SKI: variants seen among roughly 807,000 people sequenced by gnomAD.
SKI encodes SKI proto-oncogene, also known as ski oncogene.
In SKI, 23 loss-of-function variants were observed where a neutral mutation model predicts 59.3. The observed-to-expected ratio is 0.39, with a 90% CI of 0.28 to 0.55. SKI has a LOEUF of 0.55. Among genes scored for constraint, SKI ranks in the 20% least tolerant of loss-of-function variants. SKI has a pLI of 0.67. For missense variants in SKI, 1,017 were observed against 1,038.9 expected (o/e 0.98, Z 0.29); for synonymous variants, 673 against 488.6 (o/e 1.38, Z -4.98).
At chr1:2,273,053 C>T (rs1207571534) in intron 1 of SKI, among the ~76,000 whole-genome samples, 1 of 152,240 alleles carries the variant, frequency 6.6e-6, no homozygotes, top group Non-Finnish European at 1.5e-5. Flanking sequence ...GTGCCACCTG[C>T]GTTCAGTGCA....
intron 1 of SKI, among the ~76,000 whole-genome samples, chr1:2,275,363 G>T (rs1028257031): frequency 6.6e-6 from 1 of 152,222 alleles, no homozygotes; most frequent in Non-Finnish European, 1.5e-5. Flanking sequence ...TCAGGGAGCA[G>T]TGGGGCTGCC....
intron 1 of SKI, among the ~76,000 whole-genome samples, chr1:2,289,247 C>T (rs1239499208): frequency 6.6e-6 from 1 of 152,192 alleles, no homozygotes; most frequent in African/African-American, 2.4e-5. Flanking sequence ...GGAGGTGGCC[C>T]TCCTGCCTCC....
intron 1 of SKI, among the ~76,000 whole-genome samples, chr1:2,232,240 G>C (rs1168064198): frequency 3.9e-5 from 6 of 152,196 alleles, no homozygotes; most frequent in Non-Finnish European, 8.8e-5. Context: ...GAATGTACTG[G>C]AACTCTCTTT....
chr1:2,292,445 T>C (rs973011648), intron 1 of SKI, among the ~76,000 whole-genome samples: 8 of 152,176 alleles, frequency 5.3e-5, no homozygotes, highest in Non-Finnish European at 1.2e-4. Context: ...AGGGACCTGC[T>C]GTGGGCCAGG....
At chr1:2,277,640 C>T (rs956725556) in intron 1 of SKI, among the ~76,000 whole-genome samples, 1 of 152,208 alleles carries the variant, frequency 6.6e-6, no homozygotes, top group Non-Finnish European at 1.5e-5. Context: ...AGTGCACACA[C>T]ACGTCAGCAC....
Position 2,306,840 on chromosome 1 carries a change from C to G in SKI, c.*75C>G. 9.6e-7 allele frequency: 1 copy of G among 1,046,692 alleles called. No homozygotes were observed. Among genetic ancestry groups the G allele is most frequent in the Non-Finnish European group, 1.2e-6 (1 of 803,502 alleles). The allele number at this position is 1,046,692 out of a possible 1,614,324, so 64.8% of individuals were successfully genotyped here. ...CGCGGCTGGGCGGTGCAGCTCCGCC[C>G]GGCTCCGCCCCTGCAGCCCACACAG... On this transcript the variant is annotated 3_prime_UTR_variant, in exon 7 of 7. Transcript: ENST00000378536.
chr1:2,289,071 TG>T (rs1640106434), intron 1 of SKI, among the ~76,000 whole-genome samples: 1 of 152,154 alleles, frequency 6.6e-6, no homozygotes, highest in African/African-American at 2.4e-5. Context: ...GAAGTGGAGC[TG>T]GGGGAAGGTC....
chr1:2,233,855 C>T (rs1025536579), intron 1 of SKI, among the ~76,000 whole-genome samples: 3 of 152,182 alleles, frequency 2.0e-5, no homozygotes, highest in African/African-American at 7.2e-5. Context: ...TCAAGAGTTT[C>T]TTTCTGGGAC....
At position 2,266,573 on chromosome 1, in the gene SKI, C is replaced by G. The variant is rs574566169; in HGVS notation, c.970-36405C>G. On this transcript the variant is annotated intron_variant, in intron 1 of 6. Transcript: ENST00000378536. Reference sequence around the variant, plus strand: ...ACCACCGTCCTTTGCTGCCTGACCTCCAGGGTCCCTGGGGCCATTGTCTCC... The same window carrying G: ...ACCACCGTCCTTTGCTGCCTGACCTGCAGGGTCCCTGGGGCCATTGTCTCC... Among the ~76,000 whole-genome samples the G allele has an allele frequency of 3.3e-5, 5 of 152,276 alleles. No individual in the cohort carries two copies. In the East Asian group the frequency reaches 9.7e-4, roughly 29 times the overall value.
rs1252951989 is a variant in SKI, at chr1:2,306,870, A to ACGTCTTAC, written c.*109_*116dup. 26 of 772,394 alleles carry ACGTCTTAC rather than the reference A, an allele frequency of 3.4e-5. 1 individual carries two copies. In the East Asian group the frequency reaches 1.2e-3, roughly 34 times the overall value. 47.8% of individuals were successfully genotyped at this position (772,394 alleles called of 1,614,324 possible). The stretch of plus-strand genomic sequence containing the variant: ...CCGCCCCTGCAGCCCACACAGCACA[A>ACGTCTTAC]CGTCTTACCGTGCCTATTACCAAGC... On this transcript the variant is annotated 3_prime_UTR_variant, in exon 7 of 7. Transcript: ENST00000378536.
At chr1:2,289,046 G>A (rs537848492) in intron 1 of SKI, among the ~76,000 whole-genome samples, 2 of 152,208 alleles carry the variant, frequency 1.3e-5, no homozygotes, top group South Asian at 4.1e-4. Context: ...TGGTCAGCTT[G>A]CTGCACCCAC....
chr1:2,290,229 C>T (rs1477605716), intron 1 of SKI, among the ~76,000 whole-genome samples: 7 of 152,112 alleles, frequency 4.6e-5, no homozygotes, highest in Admixed American at 4.6e-4. Context: ...CCCGGGGCTC[C>T]TGGGAAGAGG....
chr1:2,284,486 A>G (rs1639988424), intron 1 of SKI, among the ~76,000 whole-genome samples: 1 of 152,150 alleles, frequency 6.6e-6, no homozygotes, highest in South Asian at 2.1e-4. Flanking sequence ...GATTGTCTGG[A>G]AGAGATTTGT....
Position 2,229,100 on chromosome 1 carries a change from T to G in SKI, c.334T>G (p.Cys112Gly). 6.2e-7 allele frequency: 1 copy of G among 1,609,836 alleles called. No homozygotes were observed. The highest frequency in any genetic ancestry group is 8.5e-7 in the Non-Finnish European group (1 of 1,179,850). Residue 112 changes from cysteine to glycine, a missense_variant, in exon 1 of 7, where the codon TGC becomes GGC. Transcript: ENST00000378536. This position sits in a 1 kb window ranked among gnomAD's most constrained non-coding sequence, Gnocchi z 6.3. ...CGTACTGGAAGGCGAGACCATCTCG[T>G]GCTTCGTGGTGGGAGGCGAGAAGCG... ...ETVLEGETISCFVVGGEKRLC... is the reference protein window; with the variant it reads ...ETVLEGETISGFVVGGEKRLC...
chr1:2,306,979 C>CT lies in SKI; in HGVS notation c.*215dup. On this transcript the variant is annotated 3_prime_UTR_variant, in exon 7 of 7. Coordinates refer to ENST00000378536, the MANE Select transcript of SKI (RefSeq NM_003036.4). The stretch of plus-strand genomic sequence containing the variant: ...CAAGTGAGTAAGCCGCGTCCCCCAA[C>CT]TACAGCTGGAGACGGGGCCAGCTCG... 1 of 324,366 alleles carries CT rather than the reference C, an allele frequency of 3.1e-6. No individual in the cohort carries two copies. Among genetic ancestry groups the CT allele is most frequent in the Non-Finnish European group, 5.6e-6 (1 of 179,386 alleles). 20.1% of individuals were successfully genotyped at this position (324,366 alleles called of 1,614,324 possible). A position where few individuals can be genotyped will look rare whatever the true frequency, so the allele number is the denominator to read the frequency against.
At chr1:2,285,225 C>G (rs1640011296) in intron 1 of SKI, among the ~76,000 whole-genome samples, 1 of 152,072 alleles carries the variant, frequency 6.6e-6, no homozygotes, top group Admixed American at 6.6e-5. Flanking sequence ...GACTTAGATT[C>G]TTCCAGGCCG....
chr1:2,275,281 G>A (rs78598687), intron 1 of SKI, among the ~76,000 whole-genome samples: 6,815 of 152,298 alleles, frequency 0.045, 236 homozygotes, highest in Middle Eastern at 0.14. Context: ...GCGCCACGGC[G>A]GCTCCTTTCT....
At chr1:2,274,239 G>A (rs1180176850) in intron 1 of SKI, among the ~76,000 whole-genome samples, 1 of 152,110 alleles carries the variant, frequency 6.6e-6, no homozygotes, top group African/African-American at 2.4e-5. Context: ...CTTTTTATTG[G>A]TTAAATAAAG....
chr1:2,258,647 C>A (rs1000490166), intron 1 of SKI, among the ~76,000 whole-genome samples: 145 of 152,020 alleles, frequency 9.5e-4, no homozygotes, highest in African/African-American at 3.4e-3. Flanking sequence ...CTCTGCCTCC[C>A]AGGTTCAAGG....
Sources: gnomAD v4.1 joint callset for allele counts (sites outside exome capture counted in the v4.1 genomes callset) on GRCh38, gnomAD v4.1.1 for gene constraint, Gnocchi (gnomAD v3.1) non-coding constraint, MANE v1.5 for transcripts, NCBI Gene and HGNC (gene_info 2026-07-23, HGNC 2026-07-21) for gene names.